Variants in OPRD1 observed in about 807,000 individuals in gnomAD.
OPRD1 encodes the protein opioid receptor delta 1, also known as delta-type opioid receptor.
A neutral mutation model predicts 17.5 loss-of-function variants in OPRD1; 19 were observed. The observed-to-expected ratio is 1.09, with a 90% confidence interval of 0.76 to 1.60. OPRD1 has a LOEUF of 1.60. Among genes scored for constraint, OPRD1 ranks in the 40% most tolerant of loss-of-function variants. OPRD1 has a pLI of 0.00. For missense variants in OPRD1, 483 were observed against 547.2 expected, an observed-to-expected ratio of 0.88 and a Z score of 1.17; for synonymous variants, 256 against 240.9, an observed-to-expected ratio of 1.06 and a Z score of -0.58.
Position 28,862,804 on chromosome 1 carries a change from A to C in OPRD1, c.640A>C (p.Lys214Gln). The C allele has an allele frequency of 4.3e-6, 7 of 1,613,746 alleles. No individual in the cohort carries two copies. The highest frequency in any genetic ancestry group is 5.9e-6 in the Non-Finnish European group (7 of 1,179,980). The part of the protein sequence containing the change: ...SPSWYWDTVT[K>Q]ICVFLFAFVV... ...CAGCTGGTACTGGGACACGGTGACC[A>C]AGATCTGCGTGTTCCTCTTCGCCTT... Residue 214 changes from lysine to glutamine, a missense_variant, in exon 3 of 3, where the codon AAG becomes CAG. Lys to Gln is a moderately conservative substitution (Grantham distance 53). Coordinates refer to ENST00000234961, the MANE Select transcript of OPRD1 (RefSeq NM_000911.4).
intron 1 of OPRD1, among the ~76,000 whole-genome samples, chr1:28,833,429 G>A (rs2088824372): frequency 1.3e-5 from 2 of 152,212 alleles, no homozygotes; most frequent in African/African-American, 4.8e-5. Flanking sequence ...GTCTGGCTGG[G>A]CAAGTCTGAA....
At chr1:28,848,954 G>T (rs1557576780) in intron 1 of OPRD1, among the ~76,000 whole-genome samples, 1 of 152,156 alleles carries the variant, frequency 6.6e-6, no homozygotes, top group East Asian at 1.9e-4. Flanking sequence ...GGACTGTTAG[G>T]CACCCCCATC....
At position 28,864,648 on chromosome 1, in the gene OPRD1, C is replaced by T. The variant is rs546880994; in HGVS notation, c.*1365C>T. ...TAGGTCTTCCAGTGGAAGGTGGATGCTTTCTGTGAGTCCCCAGGGCCCTAG... is the reference window on the plus strand; with the variant it reads ...TAGGTCTTCCAGTGGAAGGTGGATGTTTTCTGTGAGTCCCCAGGGCCCTAG... On this transcript the variant is annotated 3_prime_UTR_variant, in exon 3 of 3. Coordinates refer to ENST00000234961, the MANE Select transcript of OPRD1 (RefSeq NM_000911.4). 2.0e-5 allele frequency: 3 copies of T among 151,444 alleles called. No homozygotes were observed. In the South Asian group the frequency reaches 6.2e-4, roughly 32 times the overall value. 9.4% of individuals were successfully genotyped at this position (151,444 alleles called of 1,614,324 possible).
At position 28,812,357 on chromosome 1, in the gene OPRD1, G is replaced by GGGACGCGGCGGAGCC. The variant is rs1390197306; in HGVS notation, c.-24_-10dup. ...CCGCGCCCAGGGCGCACGGTGGAGA[G>GGGACGCGGCGGAGCC]GGACGCGGCGGAGCCGGCCGGCAGC... On this transcript the variant is annotated 5_prime_UTR_variant, in exon 1 of 3. Coordinates refer to ENST00000234961, the MANE Select transcript of OPRD1 (RefSeq NM_000911.4). 7.4e-7 allele frequency: 1 copy of GGGACGCGGCGGAGCC among 1,348,852 alleles called. No homozygotes were observed. The highest frequency in any genetic ancestry group is 9.5e-7 in the Non-Finnish European group (1 of 1,055,446). The allele number at this position is 1,348,852 out of a possible 1,614,324, so 83.6% of individuals were successfully genotyped here.
intron 1 of OPRD1, among the ~76,000 whole-genome samples, chr1:28,840,303 G>T (rs574787384): frequency 1.2e-4 from 19 of 152,136 alleles, no homozygotes; most frequent in Non-Finnish European, 2.2e-4. Flanking sequence ...CCTCAGGCTG[G>T]AGTGCAGTGG....
intron 1 of OPRD1, among the ~76,000 whole-genome samples, chr1:28,819,959 C>T (rs1221955536): frequency 3.3e-5 from 5 of 152,126 alleles, no homozygotes; most frequent in Non-Finnish European, 7.4e-5. Flanking sequence ...TTGAACAATA[C>T]ATACACACCC....
At chr1:28,856,581 C>T (rs1385903597) in intron 1 of OPRD1, among the ~76,000 whole-genome samples, 1 of 152,188 alleles carries the variant, frequency 6.6e-6, no homozygotes, top group Non-Finnish European at 1.5e-5. Flanking sequence ...TCATATAGCC[C>T]TGTCTCGGGG....
At chr1:28,844,651 G>A (rs6690946) in intron 1 of OPRD1, among the ~76,000 whole-genome samples, 8,600 of 152,146 alleles carry the variant, frequency 0.057, 265 homozygotes, top group South Asian at 0.092. Flanking sequence ...TCTTTATATA[G>A]TCTGGATATT....
intron 1 of OPRD1, among the ~76,000 whole-genome samples, chr1:28,849,927 T>A (rs1013457045): frequency 6.8e-5 from 10 of 147,732 alleles, no homozygotes; most frequent in Admixed American, 6.9e-5. Flanking sequence ...TCGCCCAGGC[T>A]GGAGTGCAGT....
intron 1 of OPRD1, among the ~76,000 whole-genome samples, chr1:28,817,740 T>C (rs2088681182): frequency 6.6e-6 from 1 of 152,228 alleles, no homozygotes; most frequent in East Asian, 1.9e-4. Flanking sequence ...AGTCTCACTG[T>C]GTTGCCCAGG....
At chr1:28,846,850 C>CTTTCT (rs1557575963) in intron 1 of OPRD1, among the ~76,000 whole-genome samples, 821 of 38,098 alleles carry the variant, frequency 0.022, 8 homozygotes, top group East Asian at 0.071. Context: ...TCTTTCTTTT[C>CTTTCT]TTTCTTTCTT....
chr1:28,854,124 GGA>G (rs1311682641), intron 1 of OPRD1, among the ~76,000 whole-genome samples: 1 of 152,148 alleles, frequency 6.6e-6, no homozygotes, highest in Non-Finnish European at 1.5e-5. Context: ...CTGTCTCTCG[GGA>G]GAGAGGGCGT....
chr1:28,824,313 C>CTTTTTTTT lies in OPRD1; in HGVS notation c.227+11715_227+11722dup, dbSNP rs58074384. Among the ~76,000 whole-genome samples the CTTTTTTTT allele has an allele frequency of 4.2e-4, 46 of 109,794 alleles. 1 individual carries two copies. The highest frequency in any genetic ancestry group is 6.3e-4 in the Non-Finnish European group (35 of 55,568). The allele number at this position is 109,794 out of a possible 152,430, so 72.0% of individuals were successfully genotyped here. ...TGGATGATGGTTCTTTTTCTTTTTT[C>CTTTTTTTT]TTTTTTTTTTTTTTTTTTTGAGATG... On this transcript the variant is annotated intron_variant, in intron 1 of 2. Coordinates refer to ENST00000234961, the MANE Select transcript of OPRD1 (RefSeq NM_000911.4).
chr1:28,839,952 C>T (rs957027355), intron 1 of OPRD1, among the ~76,000 whole-genome samples: 3 of 152,140 alleles, frequency 2.0e-5, no homozygotes, highest in Non-Finnish European at 4.4e-5. Flanking sequence ...TGCTCTGATT[C>T]GATCTCTTTG....
chr1:28,860,361 C>CT (rs35130213), intron 2 of OPRD1, among the ~76,000 whole-genome samples: 70,210 of 143,870 alleles, frequency 0.49, 18,846 homozygotes, highest in East Asian at 0.78. Context: ...TGGGACTTGT[C>CT]TAAAAAAAAA....
Position 28,856,274 on chromosome 1 carries a change from T to A in OPRD1, c.228-2680T>A, listed in dbSNP as rs369962205. ...TCCCAAATGGAGGCTTTAGGCTACA[T>A]AGTAATTCTCAAACTTTTGAGTTCA... On this transcript the variant is annotated intron_variant, in intron 1 of 2. Transcript: ENST00000234961. Among the ~76,000 whole-genome samples, 41 of 152,320 alleles carry A rather than the reference T, an allele frequency of 2.7e-4. 1 individual carries two copies. In the South Asian group the frequency reaches 5.8e-3, roughly 22 times the overall value.
intron 1 of OPRD1, among the ~76,000 whole-genome samples, chr1:28,823,300 G>C (rs1341764624): frequency 1.4e-5 from 2 of 145,720 alleles, no homozygotes; most frequent in Non-Finnish European, 3.0e-5. Context: ...GGGTTCAAGT[G>C]ATTCTCATGC....
intron 1 of OPRD1, among the ~76,000 whole-genome samples, chr1:28,821,923 CAT>C (rs970162885): frequency 2.1e-4 from 32 of 151,472 alleles, no homozygotes; most frequent in African/African-American, 6.8e-4. Flanking sequence ...CATTCTTAGA[CAT>C]GTGTGTTTGC....
At chr1:28,815,743 G>T (rs965333734) in intron 1 of OPRD1, among the ~76,000 whole-genome samples, 1 of 152,222 alleles carries the variant, frequency 6.6e-6, no homozygotes, top group Non-Finnish European at 1.5e-5. Context: ...TACATGAGCC[G>T]GCTGCTGGGT....
Sources: gnomAD v4.1 joint callset for allele counts (sites outside exome capture counted in the v4.1 genomes callset) on GRCh38, gnomAD v4.1.1 for gene constraint, MANE v1.5 for transcripts, NCBI Gene and HGNC (gene_info 2026-07-23, HGNC 2026-07-21) for gene names.